MMEL1: variants seen among roughly 807,000 people sequenced by gnomAD.
The protein encoded by MMEL1 is membrane metalloendopeptidase like 1.
MMEL1 carries 98 observed loss-of-function variants against 117.1 expected under a neutral mutation model. The ratio of observed to expected loss-of-function variants is 0.84; its 90% CI spans 0.71 to 0.99. MMEL1 has a LOEUF of 0.99. Ranked by LOEUF, MMEL1 falls within the 50% of genes least tolerant of loss-of-function variation. The probability of loss-of-function intolerance (pLI) is 0.00; values close to 1 mark genes in which losing one functional copy is unlikely to be tolerated. For missense variants in MMEL1, 1,014 were observed against 1,049.1 expected (o/e 0.97, Z 0.46); for synonymous variants, 390 against 415.1 (o/e 0.94, Z 0.74).
chr1:2,606,465 G>A (rs1645030687), intron 7 of MMEL1, 99 bp from the exon 8 acceptor site: 2 of 849,698 alleles, frequency 2.4e-6, no homozygotes, highest in Non-Finnish European at 3.7e-6. Flanking sequence ...GAACTAGGGG[G>A]CCATAGGGTG....
intron 11 of MMEL1, among the ~76,000 whole-genome samples, chr1:2,601,798 G>C (rs1024002219): frequency 6.6e-6 from 1 of 152,226 alleles, no homozygotes; most frequent in Non-Finnish European, 1.5e-5. Flanking sequence ...GACAGGAGAT[G>C]GCGTTTAACC....
intron 1 of MMEL1, chr1:2,632,434 A>G (rs550643063): frequency 2.0e-5 from 3 of 152,422 alleles, no homozygotes; most frequent in African/African-American, 7.2e-5. Flanking sequence ...CTCAGCTTCC[A>G]CGAACTTCTT....
At chr1:2,602,900 G>A (rs1471857349) in intron 11 of MMEL1, among the ~76,000 whole-genome samples, 5 of 151,642 alleles carry the variant, frequency 3.3e-5, no homozygotes, top group Admixed American at 6.6e-5. Flanking sequence ...TTTCTGACAC[G>A]TTTTAGAGGT....
intron 22 of MMEL1, 55 bp from the exon 23 acceptor site, chr1:2,591,688 G>T: frequency 1.5e-6 from 2 of 1,303,092 alleles, no homozygotes; most frequent in South Asian, 2.4e-5. Context: ...GGCCAGGAGG[G>T]GTGGGGGAGG....
intron 4 of MMEL1, among the ~76,000 whole-genome samples, chr1:2,610,854 A>G (rs930195648): frequency 6.6e-6 from 1 of 152,222 alleles, no homozygotes; most frequent in Non-Finnish European, 1.5e-5. Flanking sequence ...GAAAAGCCAC[A>G]GTCCAGAGCT....
At chr1:2,620,889 C>G (rs1272250110) in intron 2 of MMEL1, among the ~76,000 whole-genome samples, 1 of 152,012 alleles carries the variant, frequency 6.6e-6, no homozygotes, top group Non-Finnish European at 1.5e-5. Flanking sequence ...CAAAGTTAAC[C>G]TGAAAAACGA....
At chr1:2,613,657 C>T (rs2100952590) in intron 2 of MMEL1, among the ~76,000 whole-genome samples, 1 of 152,066 alleles carries the variant, frequency 6.6e-6, no homozygotes, top group South Asian at 2.1e-4. Context: ...GGCTGCATTG[C>T]CTTTGGAGTC....
rs768150015 is a variant in MMEL1 at position 2,593,917 on chromosome 1, G to A, written c.1764C>T (p.Ile588=). The change falls in exon 19 of 24, where the codon ATC becomes ATT. Residue 588 remains isoleucine, a synonymous_variant. Coordinates refer to ENST00000378412, the MANE Select transcript of MMEL1 (RefSeq NM_033467.4). ...NRNQIVFPAG[I]LQPPFFSKEQ... The stretch of plus-strand genomic sequence containing the variant: ...CCTTGCTGAAGAAGGGGGGCTGGAG[G>A]ATCCCGGCAGGGAATACTGTCCCCA... 2 of 1,608,966 alleles carry A rather than the reference G, an allele frequency of 1.2e-6. No individual in the cohort carries two copies. Among genetic ancestry groups the A allele is most frequent in the Admixed American group, 1.7e-5 (1 of 59,286 alleles).
intron 22 of MMEL1, 90 bp downstream of exon 22, chr1:2,591,842 G>A (rs960080401): frequency 7.5e-7 from 1 of 1,334,888 alleles, no homozygotes; most frequent in African/African-American, 1.4e-5. Flanking sequence ...TTCCATGCTG[G>A]GCTCTGGTCC....
At chr1:2,628,281 T>C (rs1638364602) in intron 2 of MMEL1, among the ~76,000 whole-genome samples, 1 of 152,210 alleles carries the variant, frequency 6.6e-6, no homozygotes, top group Non-Finnish European at 1.5e-5. Context: ...TGGCCAGCCA[T>C]GCAGCCCCGG....
intron 13 of MMEL1, among the ~76,000 whole-genome samples, chr1:2,597,299 C>G (rs909385535): frequency 1.3e-5 from 2 of 151,960 alleles, no homozygotes; most frequent in Non-Finnish European, 2.9e-5. Flanking sequence ...TCAGTGCCCC[C>G]CTGACGCTTG....
intron 2 of MMEL1, among the ~76,000 whole-genome samples, chr1:2,616,272 G>C (rs1051055322): frequency 1.3e-5 from 2 of 151,528 alleles, no homozygotes; most frequent in African/African-American, 4.9e-5. Context: ...AGTCTGGGAG[G>C]GGGGATGTTC....
Position 2,594,396 on chromosome 1 carries a change from C to G in MMEL1, c.1736G>C (p.Arg579Pro), listed in dbSNP as rs567587142. ...GGGGAGGAACTTACCAATCTGGTTTCGGTTTGGGGAGTAGAACGCATTGAC... is the reference window on the plus strand; with the variant it reads ...GGGGAGGAACTTACCAATCTGGTTTGGGTTTGGGGAGTAGAACGCATTGAC... ...AVVNAFYSPN[R>P]NQIVFPAGIL... is the part of the protein sequence containing the mutation. The change falls in exon 18 of 24, where the codon CGA becomes CCA. Residue 579 changes from arginine to proline, a missense_variant. Transcript: ENST00000378412. 9.0e-6 allele frequency: 14 copies of G among 1,551,656 alleles called. No homozygotes were observed. The highest frequency in any genetic ancestry group is 1.4e-5 in the African/African-American group (1 of 73,048).
At chr1:2,626,801 A>G (rs1040165923) in intron 2 of MMEL1, among the ~76,000 whole-genome samples, 2 of 152,274 alleles carry the variant, frequency 1.3e-5, no homozygotes, top group Non-Finnish European at 1.5e-5. Flanking sequence ...CTTCCAAGTT[A>G]GTTGAGGGAA....
chr1:2,609,890 C>A, intron 4 of MMEL1, 59 bp from the exon 5 acceptor site: 1 of 1,535,618 alleles, frequency 6.5e-7, no homozygotes, highest in Non-Finnish European at 8.8e-7. Context: ...TGTGGACAGC[C>A]CAGAAGCCTG....
chr1:2,593,985 T>C lies in MMEL1; in HGVS notation c.1748-52A>G, dbSNP rs756439116. On this transcript the variant is annotated intron_variant, in intron 18 of 23. Transcript: ENST00000378412. ...AAGCTGTGAGTGGACACATCTCCTG[T>C]GTGCCAGGCTCAGGGATGGCGCTGC... 5 of 1,533,084 alleles carry C rather than the reference T, an allele frequency of 3.3e-6. No individual in the cohort carries two copies. In the African/African-American group the frequency reaches 6.9e-5, roughly 21 times the overall value. The allele number at this position is 1,533,084 out of a possible 1,614,324, so 95.0% of individuals were successfully genotyped here. A position where few individuals can be genotyped will look rare whatever the true frequency, so the allele number is the denominator to read the frequency against.
intron 11 of MMEL1, among the ~76,000 whole-genome samples, chr1:2,602,882 T>C (rs1288230570): frequency 1.4e-5 from 2 of 147,660 alleles, no homozygotes; most frequent in Non-Finnish European, 2.9e-5. Flanking sequence ...TCCTGCCCCC[T>C]TTCTGGCTTT....
intron 3 of MMEL1, 179 bp from the exon 4 acceptor site, chr1:2,611,519 G>T (rs2100950073): frequency 3.9e-6 from 2 of 515,550 alleles, no homozygotes; most frequent in Non-Finnish European, 3.4e-6. Context: ...CAAGGCCAGG[G>T]TAACCAAAGC....
chr1:2,602,047 G>C (rs1309742292), intron 11 of MMEL1, among the ~76,000 whole-genome samples: 1 of 73,154 alleles, frequency 1.4e-5, no homozygotes, highest in Non-Finnish European at 2.5e-5. Context: ...GGCACACACA[G>C]GCATGGGCAT....
Sources: gnomAD v4.1 joint callset for allele counts (sites outside exome capture counted in the v4.1 genomes callset) on GRCh38, gnomAD v4.1.1 for gene constraint, MANE v1.5 for transcripts, NCBI Gene and HGNC (gene_info 2026-07-23, HGNC 2026-07-21) for gene names.